Variants in CAMK2N2 observed in about 807,000 individuals in gnomAD.
CAMK2N2 encodes calcium/calmodulin-dependent protein kinase II inhibitor 2.
Under a neutral mutation model 7.8 loss-of-function variants are expected in CAMK2N2, and 3 were observed. That is an observed-to-expected ratio of 0.38 (90% CI 0.18 to 0.99). The LOEUF is 0.99. Ranked by LOEUF, CAMK2N2 falls within the 50% of genes least tolerant of loss-of-function variation. The pLI, the probability that CAMK2N2 is intolerant of heterozygous loss-of-function variation, is 0.37. For missense variants in CAMK2N2, 85 were observed against 108.4 expected (o/e 0.78, Z 0.96); for synonymous variants, 45 against 46.6 (o/e 0.97, Z 0.14).
chr3:184,261,258 C>T lies in CAMK2N2; in HGVS notation c.28G>A (p.Asp10Asn), dbSNP rs765388805. 2.5e-6 allele frequency: 4 copies of T among 1,595,732 alleles called. No individual in the cohort carries two copies. The highest frequency in any genetic ancestry group is 1.4e-5 in the African/African-American group (1 of 72,316). The change falls in exon 1 of 2, where the codon GAC (aspartate) becomes AAC (asparagine). Residue 10 changes from aspartate to asparagine, a missense_variant. Coordinates refer to ENST00000296238, the MANE Select transcript of CAMK2N2 (RefSeq NM_033259.3). This position sits in a 1 kb window ranked among gnomAD's most constrained non-coding sequence, Gnocchi z 5.1. MSEILPYSEDKMGRFGADPE... is the reference protein window; with the variant it reads MSEILPYSENKMGRFGADPE... ...TCTGCGCCGAAGCGGCCCATCTTGTCTTCGCTGTAGGGCAGGATCTCGGAC... is the reference window on the plus strand; with the variant it reads ...TCTGCGCCGAAGCGGCCCATCTTGTTTTCGCTGTAGGGCAGGATCTCGGAC...
rs1163677789 is a variant in CAMK2N2, at chr3:184,259,741, C to G, written c.*416G>C. 6.6e-6 allele frequency: 1 copy of G among 152,064 alleles called. No individual in the cohort carries two copies. The highest frequency in any genetic ancestry group is 2.4e-5 in the African/African-American group (1 of 41,342). 9.4% of individuals were successfully genotyped at this position (152,064 alleles called of 1,614,324 possible). ...AGTGGGTGGAAAGCTCATGCAAGTA[C>G]GCAGCCAAACATCCCTGGCCGCGCG... On this transcript the variant is annotated 3_prime_UTR_variant, in exon 2 of 2. Coordinates refer to ENST00000296238, the MANE Select transcript of CAMK2N2 (RefSeq NM_033259.3).
rs894390241 is a variant in CAMK2N2, at chr3:184,260,942, G to A, written c.169+175C>T. Among the ~76,000 whole-genome samples, 1 of 152,184 alleles carries A rather than the reference G, an allele frequency of 6.6e-6. No homozygotes were observed. Among genetic ancestry groups the A allele is most frequent in the Non-Finnish European group, 1.5e-5 (1 of 68,020 alleles). ...CCGGGGCACCGTGTTCCCGGGAGAA[G>A]GGAAGAGGGGGACACACACTGCAGC... On this transcript the variant is annotated intron_variant, in intron 1 of 1. Coordinates refer to ENST00000296238, the MANE Select transcript of CAMK2N2 (RefSeq NM_033259.3). The surrounding 1 kb of genome is among the most constrained non-coding windows in gnomAD (Gnocchi z 6.6).
Position 184,259,676 on chromosome 3 carries a change from CAG to C in CAMK2N2, c.*479_*480del, listed in dbSNP as rs1419661251. ...AGGCTGAGGCTGGGGTCACGCCAGA[CAG>C]GGGTGGGGGCGAGGAACGGCCCGGA... On this transcript the variant is annotated 3_prime_UTR_variant, in exon 2 of 2. Transcript: ENST00000296238. The C allele has an allele frequency of 6.5e-6, 1 of 152,746 alleles. No individual in the cohort carries two copies. Among genetic ancestry groups the C allele is most frequent in the African/African-American group, 2.4e-5 (1 of 41,452 alleles). 9.5% of individuals were successfully genotyped at this position (152,746 alleles called of 1,614,324 possible). A position where few individuals can be genotyped will look rare whatever the true frequency, so the allele number is the denominator to read the frequency against.
chr3:184,260,721 G>A lies in CAMK2N2; in HGVS notation c.169+396C>T, dbSNP rs1720014066. Among the ~76,000 whole-genome samples, 2 of 152,276 alleles carry A rather than the reference G, an allele frequency of 1.3e-5. No individual in the cohort carries two copies. The highest frequency in any genetic ancestry group is 2.1e-4 in the South Asian group (1 of 4,828). On this transcript the variant is annotated intron_variant, in intron 1 of 1. Transcript: ENST00000296238. The surrounding 1 kb of genome is among the most constrained non-coding windows in gnomAD (Gnocchi z 6.6). ...AACAACCAAGACAAGCGGACCCCCG[G>A]CCTCCTGCCCTCTCTTGTTAGACGT...
In CAMK2N2 at chr3:184,261,197, A is replaced by C. The variant is rs755322471; in HGVS notation, c.89T>G (p.Leu30Arg). The change falls in exon 1 of 2, where the codon CTG becomes CGG. Residue 30 changes from leucine to arginine, a missense_variant. Transcript: ENST00000296238. This position sits in a 1 kb window ranked among gnomAD's most constrained non-coding sequence, Gnocchi z 5.1. ...EGSDLSFSCR[L>R]QDTNSFFAGN... ...CGCGAAGAAGGAGTTGGTGTCCTGCAGGCGGCAGCTGAAGGAGAGGTCGGA... is the reference window on the plus strand; with the variant it reads ...CGCGAAGAAGGAGTTGGTGTCCTGCCGGCGGCAGCTGAAGGAGAGGTCGGA... 6.2e-7 allele frequency: 1 copy of C among 1,607,916 alleles called. No individual in the cohort carries two copies. The highest frequency in any genetic ancestry group is 8.5e-7 in the Non-Finnish European group (1 of 1,177,706).
chr3:184,260,351 G>T lies in CAMK2N2; in HGVS notation c.170-124C>A. On this transcript the variant is annotated intron_variant, in intron 1 of 1. Transcript: ENST00000296238. This position sits in a 1 kb window ranked among gnomAD's most constrained non-coding sequence, Gnocchi z 6.6. ...GCCCAGCGACGCCCCTCGGAACCCT[G>T]TGCCGCGGTGTCCTCCCCGTCCGAA... 1 of 806,106 alleles carries T rather than the reference G, an allele frequency of 1.2e-6. No homozygotes were observed. The highest frequency in any genetic ancestry group is 1.8e-5 in the African/African-American group (1 of 56,820). 49.9% of individuals were successfully genotyped at this position (806,106 alleles called of 1,614,324 possible).
rs1577122605 is a variant in CAMK2N2 at position 184,261,473 on chromosome 3, C to A, written c.-188G>T. Reference sequence around the variant, plus strand: ...TCCGCCTCCCGGGCCGCTGGGCAGGCGGCGGCGGCGGCGGTGGCGGGGACC... The same window carrying A: ...TCCGCCTCCCGGGCCGCTGGGCAGGAGGCGGCGGCGGCGGTGGCGGGGACC... On this transcript the variant is annotated 5_prime_UTR_variant, in exon 1 of 2. Transcript: ENST00000296238. This position sits in a 1 kb window ranked among gnomAD's most constrained non-coding sequence, Gnocchi z 5.1. The A allele has an allele frequency of 6.4e-6, 1 of 155,676 alleles. No individual in the cohort carries two copies. Among genetic ancestry groups the A allele is most frequent in the East Asian group, 1.6e-4 (1 of 6,442 alleles). The allele number at this position is 155,676 out of a possible 1,614,324, so 9.6% of individuals were successfully genotyped here.
rs1188952739 is a variant in CAMK2N2, at chr3:184,260,027, G to C, written c.*130C>G. 5 of 276,116 alleles carry C rather than the reference G, an allele frequency of 1.8e-5. No homozygotes were observed. The highest frequency in any genetic ancestry group is 2.3e-5 in the African/African-American group (1 of 43,234). 17.1% of individuals were successfully genotyped at this position (276,116 alleles called of 1,614,324 possible). On this transcript the variant is annotated 3_prime_UTR_variant, in exon 2 of 2. Coordinates refer to ENST00000296238, the MANE Select transcript of CAMK2N2 (RefSeq NM_033259.3). The surrounding 1 kb of genome is among the most constrained non-coding windows in gnomAD (Gnocchi z 6.6). ...CTCCGGAGTGCCTGGCGGCGGCGGC[G>C]GCACGGCCCTGCAGCCCCCGCCCGC... is the stretch of plus-strand genomic sequence containing the variant.
rs1720051229 is a variant in CAMK2N2, at chr3:184,261,527, T to TGTC, written c.-243_-242insGAC. 1 of 108,128 alleles carries TGTC rather than the reference T, an allele frequency of 9.2e-6. No homozygotes were observed. The highest frequency in any genetic ancestry group is 2.0e-5 in the Non-Finnish European group (1 of 50,334). 6.7% of individuals were successfully genotyped at this position (108,128 alleles called of 1,614,324 possible). Reference sequence around the variant, plus strand: ...CGGGGGCGGGGGCGGGGGGCGGGGGTGGCGGCGGCGGCGGCAAGAGCGGAA... The same window carrying TGTC: ...CGGGGGCGGGGGCGGGGGGCGGGGGTGTCGGCGGCGGCGGCGGCAAGAGCGGAA... On this transcript the variant is annotated 5_prime_UTR_variant, in exon 1 of 2. Transcript: ENST00000296238. The surrounding 1 kb of genome is among the most constrained non-coding windows in gnomAD (Gnocchi z 5.1).
Position 184,259,533 on chromosome 3 carries a change from C to G in CAMK2N2, c.*624G>C, listed in dbSNP as rs1719952075. The G allele has an allele frequency of 6.5e-6, 1 of 152,796 alleles. No homozygotes were observed. The highest frequency in any genetic ancestry group is 2.4e-5 in the African/African-American group (1 of 41,440). 9.5% of individuals were successfully genotyped at this position (152,796 alleles called of 1,614,324 possible). Reference sequence around the variant, plus strand: ...ATCCCAGCCTCAACACCCATCCTATCTGCCAGGCGCAGAAGAGCGTGGCCG... The same window carrying G: ...ATCCCAGCCTCAACACCCATCCTATGTGCCAGGCGCAGAAGAGCGTGGCCG... On this transcript the variant is annotated 3_prime_UTR_variant, in exon 2 of 2. Transcript: ENST00000296238.
At position 184,260,681 on chromosome 3, in the gene CAMK2N2, T is replaced by TC. The variant is rs1185727961; in HGVS notation, c.169+435dup. Among the ~76,000 whole-genome samples the TC allele has an allele frequency of 1.3e-5, 2 of 151,772 alleles. No homozygotes were observed. The highest frequency in any genetic ancestry group is 2.9e-5 in the Non-Finnish European group (2 of 67,966). On this transcript the variant is annotated intron_variant, in intron 1 of 1. Coordinates refer to ENST00000296238, the MANE Select transcript of CAMK2N2 (RefSeq NM_033259.3). The surrounding 1 kb of genome is among the most constrained non-coding windows in gnomAD (Gnocchi z 6.6). ...CTTCCGATCCTGGCACCAACAGAGCTCCCCTCCCCATGCAAACAACCAAGA... is the reference window on the plus strand; with the variant it reads ...CTTCCGATCCTGGCACCAACAGAGCTCCCCCTCCCCATGCAAACAACCAAGA...
In CAMK2N2 at chr3:184,261,005, G is replaced by A; in HGVS notation, c.169+112C>T. The stretch of plus-strand genomic sequence containing the variant: ...CTCCAGCCCGGGCTGGAGAGCGGCT[G>A]GTGCGCTGGTCTGCGGCAAGAGCTG... On this transcript the variant is annotated intron_variant, in intron 1 of 1. Transcript: ENST00000296238. The surrounding 1 kb of genome is among the most constrained non-coding windows in gnomAD (Gnocchi z 5.1). 1 of 1,161,722 alleles carries A rather than the reference G, an allele frequency of 8.6e-7. No homozygotes were observed. The highest frequency in any genetic ancestry group is 1.7e-5 in the South Asian group (1 of 59,724). The allele number at this position is 1,161,722 out of a possible 1,614,324, so 72.0% of individuals were successfully genotyped here. A position where few individuals can be genotyped will look rare whatever the true frequency, so the allele number is the denominator to read the frequency against.
Position 184,261,091 on chromosome 3 carries a change from G to C in CAMK2N2, c.169+26C>G, listed in dbSNP as rs1247621649. On this transcript the variant is annotated intron_variant, in intron 1 of 1. Coordinates refer to ENST00000296238, the MANE Select transcript of CAMK2N2 (RefSeq NM_033259.3). This position sits in a 1 kb window ranked among gnomAD's most constrained non-coding sequence, Gnocchi z 5.1. ...CCGGCGGAGGGTTTCTGGGTCAGGC[G>C]GCGACTCCGGGCCCGGGCCGCGTAC... The C allele has an allele frequency of 2.5e-6, 4 of 1,581,166 alleles. No homozygotes were observed. The Admixed American group carries it at 5.2e-5, about 21-fold the overall frequency.
In CAMK2N2 at chr3:184,261,219, C is replaced by T. The variant is rs1485346182; in HGVS notation, c.67G>A (p.Asp23Asn). 4 of 1,606,124 alleles carry T rather than the reference C, an allele frequency of 2.5e-6. No homozygotes were observed. Among genetic ancestry groups the T allele is most frequent in the Non-Finnish European group, 1.7e-6 (2 of 1,177,060 alleles). The change falls in exon 1 of 2, where the codon GAC becomes AAC. Residue 23 changes from aspartate to asparagine, a missense_variant. Physicochemically the swap from Asp to Asn is conservative, Grantham distance 23 (BLOSUM62 1). Transcript: ENST00000296238. This position sits in a 1 kb window ranked among gnomAD's most constrained non-coding sequence, Gnocchi z 5.1. ...GRFGADPEGS[D>N]LSFSCRLQDT... ...TGCAGGCGGCAGCTGAAGGAGAGGT[C>T]GGAGCCCTCGGGGTCTGCGCCGAAG...
rs1420917091 is a variant in CAMK2N2 at position 184,261,382 on chromosome 3, G to A, written c.-97C>T. The stretch of plus-strand genomic sequence containing the variant: ...CCGGCCCTACCTCAGCAGGGGAGCC[G>A]GCGGAAGGATGAAGTCATGCAGCAT... On this transcript the variant is annotated 5_prime_UTR_variant, in exon 1 of 2. Coordinates refer to ENST00000296238, the MANE Select transcript of CAMK2N2 (RefSeq NM_033259.3). This position sits in a 1 kb window ranked among gnomAD's most constrained non-coding sequence, Gnocchi z 5.1. The A allele has an allele frequency of 4.1e-5, 44 of 1,080,660 alleles. No individual in the cohort carries two copies. Among genetic ancestry groups the A allele is most frequent in the Non-Finnish European group, 5.1e-5 (42 of 827,078 alleles). The allele number at this position is 1,080,660 out of a possible 1,614,324, so 66.9% of individuals were successfully genotyped here.
chr3:184,261,172 C>T lies in CAMK2N2; in HGVS notation c.114G>A (p.Ala38=), dbSNP rs1043236866. The change falls in exon 1 of 2, where the codon GCG becomes GCA. Residue 38 remains alanine, a synonymous_variant. Coordinates refer to ENST00000296238, the MANE Select transcript of CAMK2N2 (RefSeq NM_033259.3). The surrounding 1 kb of genome is among the most constrained non-coding windows in gnomAD (Gnocchi z 5.1). ...TGGGGGGTCGCTTGGCCTGGTTGCC[C>T]GCGAAGAAGGAGTTGGTGTCCTGCA... The part of the protein sequence containing the change: ...CRLQDTNSFF[A]GNQAKRPPKL... 6.2e-7 allele frequency: 1 copy of T among 1,607,644 alleles called. No homozygotes were observed. Among genetic ancestry groups the T allele is most frequent in the South Asian group, 1.1e-5 (1 of 90,648 alleles).
chr3:184,260,396 C>T lies in CAMK2N2; in HGVS notation c.170-169G>A, dbSNP rs1720001454. 6.6e-6 allele frequency among the ~76,000 whole-genome samples: 1 copy of T among 152,194 alleles called. No homozygotes were observed. Among genetic ancestry groups the T allele is most frequent in the African/African-American group, 2.4e-5 (1 of 41,456 alleles). On this transcript the variant is annotated intron_variant, in intron 1 of 1. Transcript: ENST00000296238. This position sits in a 1 kb window ranked among gnomAD's most constrained non-coding sequence, Gnocchi z 6.6. ...TCCGAACTCTTCTGGAGACCCAACC[C>T]GCCGCCAAGCCTAGACCCCCTCCCC... is the stretch of plus-strand genomic sequence containing the variant.
chr3:184,260,988 C>CCCCG lies in CAMK2N2; in HGVS notation c.169+128_169+129insCGGG. On this transcript the variant is annotated intron_variant, in intron 1 of 1. Transcript: ENST00000296238. This position sits in a 1 kb window ranked among gnomAD's most constrained non-coding sequence, Gnocchi z 6.6. Reference sequence around the variant, plus strand: ...GCAGCGGGGACCCCCCCCTCCAGCCCGGGCTGGAGAGCGGCTGGTGCGCTG... The same window carrying CCCCG: ...GCAGCGGGGACCCCCCCCTCCAGCCCCCCGGGGCTGGAGAGCGGCTGGTGCGCTG... The CCCCG allele has an allele frequency of 9.9e-7, 1 of 1,007,506 alleles. No individual in the cohort carries two copies. The highest frequency in any genetic ancestry group is 1.4e-6 in the Non-Finnish European group (1 of 732,388). The allele number at this position is 1,007,506 out of a possible 1,614,324, so 62.4% of individuals were successfully genotyped here.
rs780529695 is a variant in CAMK2N2, at chr3:184,261,100, G to A, written c.169+17C>T. On this transcript the variant is annotated intron_variant, in intron 1 of 1. Transcript: ENST00000296238. This position sits in a 1 kb window ranked among gnomAD's most constrained non-coding sequence, Gnocchi z 5.1. ...GGTTTCTGGGTCAGGCGGCGACTCC[G>A]GGCCCGGGCCGCGTACCTCGCTTGG... The A allele has an allele frequency of 1.3e-6, 2 of 1,588,864 alleles. No individual in the cohort carries two copies. Among genetic ancestry groups the A allele is most frequent in the African/African-American group, 1.4e-5 (1 of 72,300 alleles).
Sources: allele counts gnomAD v4.1 joint callset (sites outside exome capture counted in the v4.1 genomes callset), GRCh38; gene constraint gnomAD v4.1.1; non-coding constraint Gnocchi (gnomAD v3.1); transcripts MANE v1.5; gene names NCBI Gene and HGNC (gene_info 2026-07-23, HGNC 2026-07-21).